Variants in ANO5 observed in about 807,000 individuals in gnomAD.
The protein encoded by ANO5 is anoctamin 5, also known as anoctamin-5.
In ANO5, 109 loss-of-function variants were observed where a neutral mutation model predicts 121.0. The observed-to-expected ratio is 0.90, with a 90% CI of 0.77 to 1.06. ANO5 has a LOEUF of 1.06. Ranked by LOEUF, ANO5 falls within the 50% of genes least tolerant of loss-of-function variation. The probability of loss-of-function intolerance (pLI) is 0.00; values close to 1 mark genes in which losing one functional copy is unlikely to be tolerated. For synonymous variants in ANO5, 406 were observed against 359.9 expected (o/e 1.13, Z -1.45); for missense variants, 1,064 against 1,078.5 (o/e 0.99, Z 0.19).
At chr11:22,240,564 G>A (rs79376613) in intron 9 of ANO5, among the ~76,000 whole-genome samples, 2,702 of 152,074 alleles carry the variant, frequency 0.018, 79 homozygotes, top group African/African-American at 0.061. Context: ...TTTATAAACT[G>A]GGGCTTTTGA....
rs1306802870 is a variant in ANO5 at position 22,221,080 on chromosome 11, AT to A, written c.181-14del. The A allele has an allele frequency of 6.5e-7, 1 of 1,541,348 alleles. No homozygotes were observed. Among genetic ancestry groups the A allele is most frequent in the Non-Finnish European group, 9.0e-7 (1 of 1,115,296 alleles). The stretch of plus-strand genomic sequence containing the variant: ...TAAAACTATAATTTACAATTGTGTC[AT>A]TTATGTCTCCTGCAGTTTCAAAAAA... On this transcript the variant is annotated splice_polypyrimidine_tract_variant and intron_variant, in intron 4 of 21. Transcript: ENST00000324559.
Position 22,226,006 on chromosome 11 carries a change from C to A in ANO5, c.317C>A (p.Thr106Asn), listed in dbSNP as rs1488322693. Reference sequence around the variant, plus strand: ...TAGGAAAGAAGAAAAGAGTTTGAAACTAATCTCAGAAAAACAGGTCTTGAG... The same window carrying A: ...TAGGAAAGAAGAAAAGAGTTTGAAAATAATCTCAGAAAAACAGGTCTTGAG... ...LKAERRKEFE[T>N]NLRKTGLELE... The change falls in exon 6 of 22, where the codon ACT becomes AAT. Residue 106 changes from threonine to asparagine, a missense_variant. Thr to Asn is a moderately conservative substitution (Grantham distance 65). Transcript: ENST00000324559. The A allele has an allele frequency of 6.8e-6, 11 of 1,608,218 alleles. No homozygotes were observed. Among genetic ancestry groups the A allele is most frequent in the Non-Finnish European group, 9.4e-6 (11 of 1,175,474 alleles).
chr11:22,274,107 G>A (rs1220527803), intron 19 of ANO5, among the ~76,000 whole-genome samples: 1 of 151,760 alleles, frequency 6.6e-6, no homozygotes, highest in Non-Finnish European at 1.5e-5. Flanking sequence ...ACCCAACTGT[G>A]AGAAATTTAC....
At chr11:22,254,040 G>A (rs556643308) in intron 12 of ANO5, among the ~76,000 whole-genome samples, 12 of 152,156 alleles carry the variant, frequency 7.9e-5, no homozygotes, top group African/African-American at 2.9e-4. Flanking sequence ...AGTCTACTGT[G>A]TTCTTCCCAT....
rs543256905 is a variant in ANO5, at chr11:22,279,876, T to C, written c.*111T>C. On this transcript the variant is annotated 3_prime_UTR_variant, in exon 22 of 22. Transcript: ENST00000324559. ...AATTTTACCCTTTCTTTTTTTTTTT[T>C]TTCTTTTTTTTTTTAAACTCAAAGT... The C allele has an allele frequency of 1.2e-3, 1,148 of 933,290 alleles. 5 individuals are homozygous for C. In the African/African-American group the frequency reaches 0.015, roughly 12 times the overall value. The allele number at this position is 933,290 out of a possible 1,614,324, so 57.8% of individuals were successfully genotyped here.
chr11:22,233,341 T>G (rs1853106945), intron 7 of ANO5, among the ~76,000 whole-genome samples: 1 of 151,936 alleles, frequency 6.6e-6, no homozygotes, highest in African/African-American at 2.4e-5. Flanking sequence ...AAGAAAGAAT[T>G]TATAAGTTCT....
In ANO5 at chr11:22,279,712, A is replaced by C. The variant is rs1474144803; in HGVS notation, c.2689A>C (p.Lys897Gln). The C allele has an allele frequency of 9.9e-6, 16 of 1,612,826 alleles. No homozygotes were observed. Among genetic ancestry groups the C allele is most frequent in the Non-Finnish European group, 1.4e-5 (16 of 1,179,198 alleles). Residue 897 changes from lysine (K) to glutamine (Q), a missense_variant, in exon 22 of 22, where the codon AAG becomes CAG. Coordinates refer to ENST00000324559, the MANE Select transcript of ANO5 (RefSeq NM_213599.3). Reference sequence around the variant, plus strand: ...GGGAATTAATTCTAATGAATTTGCCAAGCATGTCATGATTGAGGAAAACAA... The same window carrying C: ...GGGAATTAATTCTAATGAATTTGCCCAGCATGTCATGATTGAGGAAAACAA... ...NLGINSNEFA[K>Q]HVMIEENKAQ...
Position 22,279,739 on chromosome 11 carries a change from G to A in ANO5, c.2716G>A (p.Ala906Thr). ...GCATGTCATGATTGAGGAAAACAAA[G>A]CACAGCTGGCTAAATCAACACTCTA... ...AKHVMIEENK[A>T]QLAKSTL The change falls in exon 22 of 22, where the codon GCA (alanine) becomes ACA (threonine). Residue 906 changes from alanine to threonine, a missense_variant. Ala to Thr is a moderately conservative substitution (Grantham distance 58, BLOSUM62 0). Coordinates refer to ENST00000324559, the MANE Select transcript of ANO5 (RefSeq NM_213599.3). 1.2e-6 allele frequency: 2 copies of A among 1,612,432 alleles called. No individual in the cohort carries two copies. The highest frequency in any genetic ancestry group is 2.2e-5 in the South Asian group (2 of 91,036).
chr11:22,228,457 G>A (rs935497804), intron 7 of ANO5, among the ~76,000 whole-genome samples: 2 of 151,880 alleles, frequency 1.3e-5, no homozygotes, highest in African/African-American at 2.4e-5. Flanking sequence ...GGGATAATTA[G>A]CATCTCCATC....
intron 15 of ANO5, 104 bp downstream of exon 15, chr11:22,259,845 T>C (rs1484562159): frequency 1.2e-5 from 14 of 1,192,286 alleles, no homozygotes; most frequent in Non-Finnish European, 1.2e-5. Flanking sequence ...AAAGGACACA[T>C]TTTAAGGCAG....
Position 22,281,998 on chromosome 11 carries a change from C to T in ANO5, c.*2233C>T, listed in dbSNP as rs1229214967. The T allele has an allele frequency of 2.6e-5, 4 of 151,862 alleles. No individual in the cohort carries two copies. Among genetic ancestry groups the T allele is most frequent in the South Asian group, 4.2e-4 (2 of 4,806 alleles). The allele number at this position is 151,862 out of a possible 1,614,324, so 9.4% of individuals were successfully genotyped here. A position where few individuals can be genotyped will look rare whatever the true frequency, so the allele number is the denominator to read the frequency against. On this transcript the variant is annotated 3_prime_UTR_variant, in exon 22 of 22. Transcript: ENST00000324559. ...GATTTAAAAATGAAATACAGGTATT[C>T]GTCACTTTCCTGAAACCATGCTAAC...
chr11:22,215,959 A>C (rs1184711157), intron 3 of ANO5, among the ~76,000 whole-genome samples: 1 of 151,716 alleles, frequency 6.6e-6, no homozygotes, highest in Non-Finnish European at 1.5e-5. Flanking sequence ...CTCATGCAAA[A>C]CTCCAAATAT....
chr11:22,256,825 C>T (rs748347723), intron 13 of ANO5, among the ~76,000 whole-genome samples: 5 of 152,098 alleles, frequency 3.3e-5, no homozygotes, highest in African/African-American at 1.2e-4. Context: ...ACATTGGGAA[C>T]ACACATGTGC....
chr11:22,222,759 G>A lies in ANO5; in HGVS notation c.294+1549G>A, dbSNP rs77825588. 9.1e-3 allele frequency among the ~76,000 whole-genome samples: 1,389 copies of A among 152,046 alleles called. 30 individuals are homozygous for A. The highest frequency in any genetic ancestry group is 0.032 in the African/African-American group (1,318 of 41,510). ...CTAAATGCCAGCACACATGCAGAAAGGAAAACTTACAATTTACTGACTGAC... is the reference window on the plus strand; with the variant it reads ...CTAAATGCCAGCACACATGCAGAAAAGAAAACTTACAATTTACTGACTGAC... On this transcript the variant is annotated intron_variant, in intron 5 of 21. Coordinates refer to ENST00000324559, the MANE Select transcript of ANO5 (RefSeq NM_213599.3).
chr11:22,227,611 C>T (rs1274188875), intron 7 of ANO5, 25 bp downstream of exon 7: 2 of 1,610,442 alleles, frequency 1.2e-6, no homozygotes, highest in Non-Finnish European at 1.7e-6. Context: ...CCTTTGGGCA[C>T]ATCCCTTCAA....
chr11:22,271,675 T>C (rs1386105337), intron 18 of ANO5, among the ~76,000 whole-genome samples: 1 of 152,194 alleles, frequency 6.6e-6, no homozygotes, highest in Non-Finnish European at 1.5e-5. Flanking sequence ...AATTAATTTA[T>C]TCTGAAAACT....
intron 2 of ANO5, among the ~76,000 whole-genome samples, chr11:22,209,457 G>A (rs1287396319): frequency 6.6e-6 from 1 of 151,730 alleles, no homozygotes; most frequent in East Asian, 1.9e-4. Flanking sequence ...TGTATTTAAT[G>A]GGGTTTATAT....
Position 22,239,636 on chromosome 11 carries a change from G to T in ANO5, c.830G>T (p.Trp277Leu). The T allele has an allele frequency of 2.5e-6, 4 of 1,612,748 alleles. No homozygotes were observed. The highest frequency in any genetic ancestry group is 3.4e-6 in the Non-Finnish European group (4 of 1,179,090). Residue 277 changes from tryptophan (W) to leucine (L), a missense_variant, in exon 9 of 22, where the codon TGG (tryptophan) becomes TTG (leucine). Coordinates refer to ENST00000324559, the MANE Select transcript of ANO5 (RefSeq NM_213599.3). ...GAAAGATACACACTTCACCAGAATT[G>T]GGCTCGATTTTCCTATTTCTACAAG... ...TNERYTLHQN[W>L]ARFSYFYKEQ...
At chr11:22,228,264 C>T (rs1852913978) in intron 7 of ANO5, among the ~76,000 whole-genome samples, 2 of 151,592 alleles carry the variant, frequency 1.3e-5, no homozygotes, top group Non-Finnish European at 1.5e-5. Context: ...ACCAAGTGTT[C>T]AACAAGCGTT....
Sources: allele counts gnomAD v4.1 joint callset (sites outside exome capture counted in the v4.1 genomes callset), GRCh38; gene constraint gnomAD v4.1.1; transcripts MANE v1.5; gene names NCBI Gene and HGNC (gene_info 2026-07-23, HGNC 2026-07-21).